CDCA7L: variants seen among roughly 807,000 people sequenced by gnomAD.
CDCA7L encodes cell division cycle associated 7 like.
A neutral mutation model predicts 57.4 loss-of-function variants in CDCA7L; 44 were observed. The ratio of observed to expected loss-of-function variants is 0.77; its 90% confidence interval spans 0.60 to 0.98. CDCA7L has a LOEUF of 0.98. Among genes scored for constraint, CDCA7L ranks in the 50% least tolerant of loss-of-function variants. CDCA7L has a pLI of 0.00. For missense variants in CDCA7L, 644 were observed against 580.6 expected (o/e 1.11, Z -1.12); for synonymous variants, 236 against 202.8 (o/e 1.16, Z -1.39).
At chr7:21,903,941 CA>C in intron 8 of CDCA7L, 168 bp downstream of exon 8, 1 of 564,232 alleles carries the variant, frequency 1.8e-6, no homozygotes, top group Non-Finnish European at 2.8e-6. Flanking sequence ...GCTCTCCTTC[CA>C]GAAGGAATCC....
intron 1 of CDCA7L, among the ~76,000 whole-genome samples, chr7:21,925,627 T>C (rs1434414438): frequency 6.6e-6 from 1 of 152,208 alleles, no homozygotes; most frequent in East Asian, 1.9e-4. Flanking sequence ...TGGTGGCTCA[T>C]GCCTGCAATC....
Position 21,932,444 on chromosome 7 carries a change from C to T in CDCA7L, c.24+13337G>A, listed in dbSNP as rs575324515. Among the ~76,000 whole-genome samples, 3 of 152,188 alleles carry T rather than the reference C, an allele frequency of 2.0e-5. No individual in the cohort carries two copies. The East Asian group carries it at 5.8e-4, about 29-fold the overall frequency. ...AACCAAAACAGCATGGTACTGGTAC[C>T]AAAACAGATATACAGACCAATGGAA... On this transcript the variant is annotated intron_variant, in intron 1 of 9. Transcript: ENST00000406877.
rs541909225 is a variant in CDCA7L at position 21,944,925 on chromosome 7, A to G, written c.24+856T>C. The G allele has an allele frequency of 9.7e-4, 148 of 152,030 alleles. 1 individual carries two copies. Among genetic ancestry groups the G allele is most frequent in the African/African-American group, 3.4e-3 (141 of 41,486 alleles). 9.4% of individuals were successfully genotyped at this position (152,030 alleles called of 1,614,324 possible). A position where few individuals can be genotyped will look rare whatever the true frequency, so the allele number is the denominator to read the frequency against. On this transcript the variant is annotated intron_variant, in intron 1 of 9. Transcript: ENST00000406877. ...CACAAAGCATCTCCGTGCTCCCACA[A>G]GCAGAGGCGTGGCTGCTTGTTTCCC...
At chr7:21,908,049 G>C in intron 4 of CDCA7L, 81 bp downstream of exon 4, 1 of 1,430,362 alleles carries the variant, frequency 7.0e-7, no homozygotes, top group African/African-American at 1.4e-5. Flanking sequence ...AGCAGCTGTA[G>C]GAGCAAAGTG....
intron 4 of CDCA7L, 47 bp from the exon 5 acceptor site, chr7:21,906,686 G>A (rs1349889555): frequency 6.3e-7 from 1 of 1,584,572 alleles, no homozygotes; most frequent in African/African-American, 1.3e-5. Context: ...TAGGGCTCCA[G>A]GTTTAGGTCA....
rs1181499059 is a variant in CDCA7L, at chr7:21,904,247, G to A, written c.1060C>T (p.His354Tyr). The A allele has an allele frequency of 6.2e-7, 1 of 1,606,756 alleles. No individual in the cohort carries two copies. The highest frequency in any genetic ancestry group is 8.5e-7 in the Non-Finnish European group (1 of 1,176,500). ...TCGATGGTCTTTTGTCGACACTGATGGCACGTGTTACCCTACAGGGGGAAG... is the reference window on the plus strand; with the variant it reads ...TCGATGGTCTTTTGTCGACACTGATAGCACGTGTTACCCTACAGGGGGAAG... The part of the protein sequence containing the change: ...IYDKVLGNTC[H>Y]QCRQKTIDTK... Residue 354 changes from histidine (H) to tyrosine (Y), a missense_variant, in exon 8 of 10, where the codon CAT becomes TAT. Coordinates refer to ENST00000406877, the MANE Select transcript of CDCA7L (RefSeq NM_018719.5).
intron 2 of CDCA7L, among the ~76,000 whole-genome samples, chr7:21,911,994 G>A (rs1785345429): frequency 1.3e-5 from 2 of 151,804 alleles, no homozygotes; most frequent in South Asian, 4.1e-4. Context: ...CGGGTACAGT[G>A]GCTCACCCTG....
rs1784983280 is a variant in CDCA7L, at chr7:21,902,963, T to TAGAGACTTAC, written c.1334+5_1334+14dup. 1.2e-6 allele frequency: 2 copies of TAGAGACTTAC among 1,612,108 alleles called. No individual in the cohort carries two copies. The highest frequency in any genetic ancestry group is 1.7e-6 in the Non-Finnish European group (2 of 1,178,798). ...GATTTCAAGCTGTTTTGTAAGCTGC[T>TAGAGACTTAC]AGAGACTTACTTACCTCTCCAGATA... On this transcript the variant is annotated intron_variant, in intron 9 of 9. Coordinates refer to ENST00000406877, the MANE Select transcript of CDCA7L (RefSeq NM_018719.5).
At chr7:21,905,685 A>ATTAT in intron 6 of CDCA7L, 54 bp from the exon 7 acceptor site, 1 of 1,558,898 alleles carries the variant, frequency 6.4e-7, no homozygotes, top group South Asian at 1.2e-5. Context: ...TTATAAAAAA[A>ATTAT]TTATAAATAT....
chr7:21,936,806 G>C (rs6461620), intron 1 of CDCA7L, among the ~76,000 whole-genome samples: 132,626 of 152,188 alleles, frequency 0.87, 58,041 homozygotes, highest in Admixed American at 0.92. Flanking sequence ...GTATTGGGAG[G>C]TCTAGCCAGA....
intron 9 of CDCA7L, chr7:21,902,627 G>GAACTCTCT (rs1249610617): frequency 1.9e-6 from 1 of 533,130 alleles, no homozygotes; most frequent in African/African-American, 1.9e-5. Context: ...CTCTTGCCCT[G>GAACTCTCT]AACTCTCTCT....
At position 21,908,310 on chromosome 7, in the gene CDCA7L, AAAC is replaced by A. The variant is rs774001726; in HGVS notation, c.498_500del (p.Leu166del). 6.2e-7 allele frequency: 1 copy of A among 1,610,354 alleles called. No individual in the cohort carries two copies. The highest frequency in any genetic ancestry group is 1.1e-5 in the South Asian group (1 of 90,402). ...TCTCATTCTGTAAGCGTGCGCTAGAAAACAACTGCTCGGAAGAACTGTTTTTAT... is the reference window on the plus strand; with the variant it reads ...TCTCATTCTGTAAGCGTGCGCTAGAAAACTGCTCGGAAGAACTGTTTTTAT... On this transcript the variant is annotated inframe_deletion, in exon 4 of 10. Coordinates refer to ENST00000406877, the MANE Select transcript of CDCA7L (RefSeq NM_018719.5).
At chr7:21,936,964 A>G (rs1244928695) in intron 1 of CDCA7L, among the ~76,000 whole-genome samples, 1 of 152,240 alleles carries the variant, frequency 6.6e-6, no homozygotes, top group Non-Finnish European at 1.5e-5. Flanking sequence ...ACATTGCAGG[A>G]CACAAAATCA....
intron 3 of CDCA7L, 88 bp from the exon 4 acceptor site, chr7:21,908,595 G>C (rs1346912711): frequency 1.5e-6 from 2 of 1,321,234 alleles, no homozygotes; most frequent in Admixed American, 2.8e-5. Flanking sequence ...ACAGCATTAT[G>C]AGAAAAAACA....
At chr7:21,921,456 G>C (rs1279748038) in intron 1 of CDCA7L, among the ~76,000 whole-genome samples, 6 of 151,944 alleles carry the variant, frequency 3.9e-5, no homozygotes, top group Non-Finnish European at 8.8e-5. Context: ...TGATAGAAAG[G>C]ATACACAGGG....
At chr7:21,911,335 T>G (rs377466683) in intron 3 of CDCA7L, among the ~76,000 whole-genome samples, 8 of 152,070 alleles carry the variant, frequency 5.3e-5, no homozygotes, top group East Asian at 3.9e-4. Context: ...CCAAGAGAGA[T>G]AAATTCTTTG....
At chr7:21,921,342 CAAA>C (rs5882833) in intron 1 of CDCA7L, among the ~76,000 whole-genome samples, 4 of 121,954 alleles carry the variant, frequency 3.3e-5, no homozygotes, top group Non-Finnish European at 6.6e-5. Context: ...CAAGATTTGC[CAAA>C]AAAAAAAAAA....
chr7:21,945,392 T>G (rs954211808), intron 1 of CDCA7L, among the ~76,000 whole-genome samples: 1 of 151,328 alleles, frequency 6.6e-6, no homozygotes, highest in Non-Finnish European at 1.5e-5. Context: ...TTCTTAAGCT[T>G]CCTGATCTCT....
chr7:21,933,502 G>C (rs1425840934), intron 1 of CDCA7L, among the ~76,000 whole-genome samples: 5 of 152,126 alleles, frequency 3.3e-5, no homozygotes, highest in African/African-American at 1.2e-4. Flanking sequence ...CCTTTGCAGG[G>C]ACATGGATGA....
Sources: gnomAD v4.1 joint callset for allele counts (sites outside exome capture counted in the v4.1 genomes callset) on GRCh38, gnomAD v4.1.1 for gene constraint, MANE v1.5 for transcripts, NCBI Gene and HGNC (gene_info 2026-07-23, HGNC 2026-07-21) for gene names.